LRP1: variants seen among roughly 807,000 people sequenced by gnomAD.
The protein encoded by LRP1 is LDL receptor related protein 1.
Under a neutral mutation model 541.5 loss-of-function variants are expected in LRP1, and 51 were observed. That is an observed-to-expected ratio of 0.09 (90% CI 0.08 to 0.12). LRP1 has a LOEUF of 0.12. LRP1 is among the 10% of genes least tolerant of loss of function. LRP1 has a pLI of 1.00. For missense variants in LRP1, 3,878 were observed against 6,376.2 expected (o/e 0.61, Z 13.34); for synonymous variants, 2,219 against 2,470.8 (o/e 0.90, Z 3.02).
rs372034970 is a variant in LRP1, at chr12:57,201,913, G to A, written c.10594+8G>A. 9.0e-5 allele frequency: 146 copies of A among 1,613,780 alleles called. No homozygotes were observed. In the African/African-American group the frequency reaches 1.6e-3, roughly 18 times the overall value. ...AGCCCAAGGAAGAGTGTGGTGAGCC[G>A]AGACCCCACTCCAGGAGGAAGACAG... On this transcript the variant is annotated splice_region_variant and intron_variant, in intron 67 of 88. Coordinates refer to ENST00000243077, the MANE Select transcript of LRP1 (RefSeq NM_002332.3). The surrounding 1 kb of genome is among the most constrained non-coding windows in gnomAD (Gnocchi z 6.4).
chr12:57,154,869 A>T lies in LRP1; in HGVS notation c.1227+168A>T. 1 of 657,246 alleles carries T rather than the reference A, an allele frequency of 1.5e-6. No homozygotes were observed. Among genetic ancestry groups the T allele is most frequent in the Non-Finnish European group, 2.7e-6 (1 of 365,974 alleles). 40.7% of individuals were successfully genotyped at this position (657,246 alleles called of 1,614,324 possible). A position where few individuals can be genotyped will look rare whatever the true frequency, so the allele number is the denominator to read the frequency against. On this transcript the variant is annotated intron_variant, in intron 8 of 88. Coordinates refer to ENST00000243077, the MANE Select transcript of LRP1 (RefSeq NM_002332.3). The surrounding 1 kb of genome is among the most constrained non-coding windows in gnomAD (Gnocchi z 4.6). ...TGGGCTTGAATACTGCAGAGAAAGG[A>T]CAAGATACGGGTTCCACTGTGATGG... is the stretch of plus-strand genomic sequence containing the variant.
intron 34 of LRP1, among the ~76,000 whole-genome samples, chr12:57,182,093 C>G (rs1412276736): frequency 6.6e-6 from 1 of 152,122 alleles, no homozygotes; most frequent in African/African-American, 2.4e-5. Flanking sequence ...CTTGACCATT[C>G]ATTTTTTTTT....
At chr12:57,159,704 G>A in intron 11 of LRP1, 121 bp from the exon 12 acceptor site, 1 of 899,326 alleles carries the variant, frequency 1.1e-6, no homozygotes, top group Non-Finnish European at 1.8e-6. Context: ...GGCCCCAGAG[G>A]GTCCCTGCAC....
At chr12:57,167,343 A>G (rs2035859873) in intron 18 of LRP1, 101 bp from the exon 19 acceptor site, 5 of 884,402 alleles carry the variant, frequency 5.7e-6, no homozygotes, top group South Asian at 4.2e-5. Flanking sequence ...TGACTGGGCT[A>G]AGGGCTGCTG....
intron 20 of LRP1, among the ~76,000 whole-genome samples, chr12:57,172,145 TG>T (rs1305803672): frequency 5.9e-4 from 89 of 149,824 alleles, no homozygotes; most frequent in African/African-American, 2.1e-3. Flanking sequence ...CTGCAAGCTC[TG>T]CCTCCCGGGC....
At chr12:57,160,511 T>C (rs1565725502) in intron 12 of LRP1, among the ~76,000 whole-genome samples, 1 of 152,108 alleles carries the variant, frequency 6.6e-6, no homozygotes, top group African/African-American at 2.4e-5. Flanking sequence ...CATGGTGGCC[T>C]TCTCCATCAC....
rs755457777 is a variant in LRP1, at chr12:57,204,764, G to A, written c.11194+15G>A. The stretch of plus-strand genomic sequence containing the variant: ...AGAGGACTGTGGTGAGCAGGGGGCC[G>A]ACGAGAGGCCTGCAGGGGACGGGTA... On this transcript the variant is annotated intron_variant, in intron 72 of 88. Transcript: ENST00000243077. The surrounding 1 kb of genome is among the most constrained non-coding windows in gnomAD (Gnocchi z 5.3). The A allele has an allele frequency of 2.0e-5, 32 of 1,613,412 alleles. No individual in the cohort carries two copies. The highest frequency in any genetic ancestry group is 5.3e-5 in the African/African-American group (4 of 74,946).
rs1051416622 is a variant in LRP1, at chr12:57,194,419, C to T, written c.7984C>T (p.Arg2662Trp). ...VKGVLFQPCE[R>W]TSLCYAPSWV... ...GGGCGTGCTCTTCCAGCCCTGCGAGCGGACCTCACTCTGCTACGCACCCAG... is the reference window on the plus strand; with the variant it reads ...GGGCGTGCTCTTCCAGCCCTGCGAGTGGACCTCACTCTGCTACGCACCCAG... Residue 2662 changes from arginine (R) to tryptophan (W), a missense_variant, in exon 49 of 89, where the codon CGG becomes TGG. Physicochemically the swap from Arg to Trp is moderately radical, Grantham distance 101. Transcript: ENST00000243077. The T allele has an allele frequency of 5.9e-6, 9 of 1,528,026 alleles. No homozygotes were observed. Among genetic ancestry groups the T allele is most frequent in the East Asian group, 2.3e-5 (1 of 43,890 alleles). 94.7% of individuals were successfully genotyped at this position (1,528,026 alleles called of 1,614,324 possible).
At chr12:57,200,663 C>G in intron 63 of LRP1, 36 bp from the exon 64 acceptor site, 1 of 1,587,876 alleles carries the variant, frequency 6.3e-7, no homozygotes, top group African/African-American at 1.3e-5. Flanking sequence ...CGTGTCCACC[C>G]CAGCCGCTCT....
intron 76 of LRP1, 59 bp from the exon 77 acceptor site, chr12:57,207,979 C>G (rs907070492): frequency 6.4e-7 from 1 of 1,570,962 alleles, no homozygotes; most frequent in African/African-American, 1.4e-5. Context: ...AGAGTGGTGG[C>G]GGGGGGATAA....
chr12:57,205,712 G>A lies in LRP1; in HGVS notation c.11590+35G>A. ...CCACCAGAGGGCAGAAAGGCTGGGTGGGGCAGGGCGACCAGGATATCAAAC... is the reference window on the plus strand; with the variant it reads ...CCACCAGAGGGCAGAAAGGCTGGGTAGGGCAGGGCGACCAGGATATCAAAC... On this transcript the variant is annotated intron_variant, in intron 75 of 88. Coordinates refer to ENST00000243077, the MANE Select transcript of LRP1 (RefSeq NM_002332.3). The surrounding 1 kb of genome is among the most constrained non-coding windows in gnomAD (Gnocchi z 4.6). 2 of 1,601,502 alleles carry A rather than the reference G, an allele frequency of 1.2e-6. No homozygotes were observed. Among genetic ancestry groups the A allele is most frequent in the Non-Finnish European group, 8.5e-7 (1 of 1,178,242 alleles).
At chr12:57,172,071 T>A (rs976529149) in intron 20 of LRP1, among the ~76,000 whole-genome samples, 1 of 150,880 alleles carries the variant, frequency 6.6e-6, no homozygotes, top group African/African-American at 2.4e-5. Flanking sequence ...TCTTTTTTTT[T>A]TTTTTTGAGA....
intron 20 of LRP1, among the ~76,000 whole-genome samples, chr12:57,170,980 C>T (rs1260610432): frequency 6.6e-6 from 1 of 152,132 alleles, no homozygotes; most frequent in East Asian, 1.9e-4. Flanking sequence ...TTGAGCCCTG[C>T]CCTGAGAGGG....
intron 60 of LRP1, 92 bp downstream of exon 60, chr12:57,198,762 G>A (rs771546184): frequency 2.9e-5 from 37 of 1,288,182 alleles, no homozygotes; most frequent in Non-Finnish European, 4.0e-5. Flanking sequence ...GGGCAAGAGT[G>A]GACATAAAAA....
chr12:57,166,492 T>G, intron 17 of LRP1: 1 of 432,400 alleles, frequency 2.3e-6, no homozygotes, highest in East Asian at 4.7e-5. Context: ...GCCTGGGAGG[T>G]TGAGGCTGCA....
chr12:57,178,237 G>C lies in LRP1; in HGVS notation c.4362-122G>C, dbSNP rs2036089449. ...TCTGGCCAGCAAGGCTTAGGGGAGGGAATGGTCCCATGCTCTTCGCTGGGA... is the reference window on the plus strand; with the variant it reads ...TCTGGCCAGCAAGGCTTAGGGGAGGCAATGGTCCCATGCTCTTCGCTGGGA... On this transcript the variant is annotated intron_variant, in intron 26 of 88. Transcript: ENST00000243077. The surrounding 1 kb of genome is among the most constrained non-coding windows in gnomAD (Gnocchi z 5.8). 1.1e-5 allele frequency: 13 copies of C among 1,176,458 alleles called. No individual in the cohort carries two copies. In the South Asian group the frequency reaches 1.3e-4, roughly 12 times the overall value. The allele number at this position is 1,176,458 out of a possible 1,614,324, so 72.9% of individuals were successfully genotyped here.
intron 6 of LRP1, among the ~76,000 whole-genome samples, chr12:57,153,287 C>G (rs2035559520): frequency 6.6e-6 from 1 of 152,112 alleles, no homozygotes; most frequent in African/African-American, 2.4e-5. Flanking sequence ...TCCCTGTCCC[C>G]AGACTTCCTG....
intron 2 of LRP1, among the ~76,000 whole-genome samples, chr12:57,140,321 A>G (rs1035291455): frequency 6.6e-6 from 1 of 152,182 alleles, no homozygotes; most frequent in Non-Finnish European, 1.5e-5. Context: ...GTGCTGTCCA[A>G]TAGAAATGTA....
intron 19 of LRP1, among the ~76,000 whole-genome samples, chr12:57,168,807 A>ACCC (rs2035888514): frequency 6.6e-6 from 1 of 151,984 alleles, no homozygotes; most frequent in South Asian, 2.1e-4. Context: ...AACTAGAGAA[A>ACCC]CCCCTGCCTT....
Sources: allele counts gnomAD v4.1 joint callset (sites outside exome capture counted in the v4.1 genomes callset), GRCh38; gene constraint gnomAD v4.1.1; non-coding constraint Gnocchi (gnomAD v3.1); transcripts MANE v1.5; gene names NCBI Gene and HGNC (gene_info 2026-07-23, HGNC 2026-07-21).